The following LRP1B variants were observed in gnomAD, a reference collection of about 807,000 sequenced individuals.
The protein encoded by LRP1B is low-density lipoprotein receptor-related protein 1B.
A neutral mutation model predicts 556.6 loss-of-function variants in LRP1B; 217 were observed. The observed-to-expected ratio is 0.39, with a 90% confidence interval of 0.35 to 0.44. The LOEUF is 0.44. Ranked by LOEUF, LRP1B falls within the 20% of genes least tolerant of loss-of-function variation. The pLI, the probability that LRP1B is intolerant of heterozygous loss-of-function variation, is 1.00. For synonymous variants in LRP1B, 2,047 were observed against 1,865.8 expected, an observed-to-expected ratio of 1.10 and a Z score of -2.50; for missense variants, 5,053 against 5,620.8, an observed-to-expected ratio of 0.90 and a Z score of 3.23.
At chr2:140,947,324 T>C (rs773628365) in intron 20 of LRP1B, among the ~76,000 whole-genome samples, 4 of 152,174 alleles carry the variant, frequency 2.6e-5, no homozygotes, top group Non-Finnish European at 5.9e-5. Flanking sequence ...TCAATTTAAG[T>C]GTATTTCTAC....
rs1488985241 is a variant in LRP1B at position 141,254,756 on chromosome 2, A to C, written c.344-115T>G. 4 of 740,566 alleles carry C rather than the reference A, an allele frequency of 5.4e-6. No individual in the cohort carries two copies. The African/African-American group carries it at 5.7e-5, about 10-fold the overall frequency. 45.9% of individuals were successfully genotyped at this position (740,566 alleles called of 1,614,324 possible). ...TTGATTGTTCTCCCAGAAAGTTTAT[A>C]TGATTGGTCTAGAAAAAAATATTTA... On this transcript the variant is annotated intron_variant, in intron 3 of 90. Coordinates refer to ENST00000389484, the MANE Select transcript of LRP1B (RefSeq NM_018557.3).
Position 140,314,951 on chromosome 2 carries a change from G to A in LRP1B, c.12789C>T (p.Cys4263=), listed in dbSNP as rs745340239. 16 of 1,604,184 alleles carry A rather than the reference G, an allele frequency of 1.0e-5. No homozygotes were observed. The highest frequency in any genetic ancestry group is 2.2e-5 in the South Asian group (2 of 89,090). ...CSNYCQNGGT[C]VPSVLGRPTC... Reference sequence around the variant, plus strand: ...AATATTTACCTAGAACTGATGGTACGCAAGTTCCTCCATTCTGGCAGTAGT... The same window carrying A: ...AATATTTACCTAGAACTGATGGTACACAAGTTCCTCCATTCTGGCAGTAGT... Residue 4263 remains cysteine, a synonymous_variant, in exon 83 of 91, where the codon TGC becomes TGT. Coordinates refer to ENST00000389484, the MANE Select transcript of LRP1B (RefSeq NM_018557.3).
chr2:141,980,707 T>C (rs1702020158), intron 1 of LRP1B, among the ~76,000 whole-genome samples: 1 of 152,166 alleles, frequency 6.6e-6, no homozygotes, highest in Non-Finnish European at 1.5e-5. Context: ...CACTGTCCAA[T>C]GTGGAAGTTA....
rs558210281 is a variant in LRP1B, at chr2:141,383,000, A to C, written c.343+97396T>G. Among the ~76,000 whole-genome samples the C allele has an allele frequency of 4.4e-4, 67 of 152,356 alleles. 1 individual carries two copies. The highest frequency in any genetic ancestry group is 3.4e-3 in the Middle Eastern group (1 of 294). ...CTTCCGATAGAGGATCAATATCCAAAATACAGTAGTAACTCATAAAATAAT... is the reference window on the plus strand; with the variant it reads ...CTTCCGATAGAGGATCAATATCCAACATACAGTAGTAACTCATAAAATAAT... On this transcript the variant is annotated intron_variant, in intron 3 of 90. Transcript: ENST00000389484.
rs4954833 is a variant in LRP1B, at chr2:140,415,021, C to A, written c.10414+27483G>T. Among the ~76,000 whole-genome samples the A allele has an allele frequency of 3.9e-5, 6 of 152,068 alleles. No homozygotes were observed. The South Asian group carries it at 1.2e-3, about 32-fold the overall frequency. On this transcript the variant is annotated intron_variant, in intron 66 of 90. Transcript: ENST00000389484. ...GCATTCCTTGGGGGAAGTCTATAAA[C>A]GGCTGCTCTGGGAATGTCTGTCTTA...
intron 1 of LRP1B, among the ~76,000 whole-genome samples, chr2:141,957,741 G>A (rs897225700): frequency 6.6e-6 from 1 of 151,904 alleles, no homozygotes. Context: ...TGTAGGAGGA[G>A]GATATACTGG....
At position 140,458,264 on chromosome 2, in the gene LRP1B, G is replaced by A. The variant is rs554679173; in HGVS notation, c.9626-613C>T. Among the ~76,000 whole-genome samples the A allele has an allele frequency of 2.0e-3, 304 of 152,114 alleles. 5 individuals are homozygous for A. Among genetic ancestry groups the A allele is most frequent in the Middle Eastern group, 6.8e-3 (2 of 294 alleles). On this transcript the variant is annotated intron_variant, in intron 60 of 90. Coordinates refer to ENST00000389484, the MANE Select transcript of LRP1B (RefSeq NM_018557.3). ...GGAAATAAGTGTGGCAGATAATAAT[G>A]TATTATGCAAATTTAATAGTCATAA... is the stretch of plus-strand genomic sequence containing the variant.
chr2:140,339,934 G>A (rs1341832633), intron 77 of LRP1B, among the ~76,000 whole-genome samples: 2 of 151,464 alleles, frequency 1.3e-5, no homozygotes, highest in Non-Finnish European at 3.0e-5. Context: ...TTTTAAGGCT[G>A]CAATGATCTA....
At position 140,702,242 on chromosome 2, in the gene LRP1B, G is replaced by A. The variant is rs758009959; in HGVS notation, c.6201C>T (p.Ile2067=). 2.5e-6 allele frequency: 4 copies of A among 1,613,512 alleles called. No homozygotes were observed. The highest frequency in any genetic ancestry group is 1.3e-5 in the African/African-American group (1 of 74,832). Residue 2067 remains isoleucine, a synonymous_variant, in exon 39 of 91, where the codon ATC becomes ATT. Transcript: ENST00000389484. ...CGCGATTCCCTCCAGTCTCAAGGTC[G>A]ATTCTCTCTATCTTGTCTGTGCGAG... ...CDARTDKIER[I]DLETGGNREM...
intron 5 of LRP1B, among the ~76,000 whole-genome samples, chr2:141,236,997 C>T (rs562809831): frequency 8.5e-5 from 13 of 152,224 alleles, no homozygotes; most frequent in African/African-American, 2.9e-4. Context: ...AACTTGTGGA[C>T]ACAGGTATCA....
intron 2 of LRP1B, among the ~76,000 whole-genome samples, chr2:141,488,972 TTTG>T (rs1165863469): frequency 7.4e-5 from 2 of 26,858 alleles, no homozygotes; most frequent in Non-Finnish European, 1.4e-4. Flanking sequence ...TTTGTTTTTT[TTTG>T]TTTGTTTGTT....
chr2:140,715,825 C>A, intron 37 of LRP1B, 148 bp downstream of exon 37: 1 of 524,140 alleles, frequency 1.9e-6, no homozygotes, highest in Non-Finnish European at 3.3e-6. Flanking sequence ...ATTATATGAA[C>A]AAAGTGAATA....
chr2:140,987,766 C>T (rs1405685105), intron 17 of LRP1B, among the ~76,000 whole-genome samples: 3 of 152,086 alleles, frequency 2.0e-5, no homozygotes, highest in East Asian at 3.9e-4. Flanking sequence ...GGGCACATCA[C>T]TTGCAGCCAG....
chr2:142,096,508 T>C lies in LRP1B; in HGVS notation c.82+34140A>G, dbSNP rs538748799. Among the ~76,000 whole-genome samples the C allele has an allele frequency of 5.9e-5, 9 of 151,608 alleles. No individual in the cohort carries two copies. The South Asian group carries it at 1.9e-3, about 31-fold the overall frequency. ...TTATAACTATAGGCATTTACCTTTATGGTGAATCTATTTGTTCCACTAAAT... is the reference window on the plus strand; with the variant it reads ...TTATAACTATAGGCATTTACCTTTACGGTGAATCTATTTGTTCCACTAAAT... On this transcript the variant is annotated intron_variant, in intron 1 of 90. Coordinates refer to ENST00000389484, the MANE Select transcript of LRP1B (RefSeq NM_018557.3).
intron 35 of LRP1B, among the ~76,000 whole-genome samples, chr2:140,748,460 A>T (rs1239269322): frequency 1.1e-4 from 11 of 100,342 alleles, no homozygotes; most frequent in African/African-American, 3.3e-4. Flanking sequence ...ATATATACAC[A>T]CACATAGGAC....
At chr2:140,278,044 C>T (rs1363320050) in intron 84 of LRP1B, among the ~76,000 whole-genome samples, 2 of 151,626 alleles carry the variant, frequency 1.3e-5, no homozygotes, top group Admixed American at 6.6e-5. Flanking sequence ...CAAACACACA[C>T]ACACACACAC....
intron 11 of LRP1B, among the ~76,000 whole-genome samples, chr2:141,026,253 T>C (rs1698214917): frequency 6.6e-6 from 1 of 152,098 alleles, no homozygotes; most frequent in Non-Finnish European, 1.5e-5. Context: ...TCTACCCTAT[T>C]AGTAGTCACT....
chr2:140,703,441 CT>C (rs757157063), intron 37 of LRP1B, among the ~76,000 whole-genome samples: 6 of 152,014 alleles, frequency 3.9e-5, no homozygotes, highest in Non-Finnish European at 5.9e-5. Flanking sequence ...GAAATCCATG[CT>C]TTTAGATAAA....
At chr2:140,683,849 A>G (rs1685951175) in intron 41 of LRP1B, 2 of 621,866 alleles carry the variant, frequency 3.2e-6, no homozygotes, top group South Asian at 3.5e-5. Flanking sequence ...CGACCCCGAA[A>G]CAGCTCCGCG....
Sources: allele counts gnomAD v4.1 joint callset (sites outside exome capture counted in the v4.1 genomes callset), GRCh38; gene constraint gnomAD v4.1.1; transcripts MANE v1.5; gene names NCBI Gene and HGNC (gene_info 2026-07-23, HGNC 2026-07-21).